IGSF11: variants seen among roughly 807,000 people sequenced by gnomAD.
IGSF11 encodes immunoglobulin superfamily member 11.
In IGSF11, 22 loss-of-function variants were observed where a neutral mutation model predicts 41.0. The observed-to-expected ratio is 0.54, with a 90% CI of 0.38 to 0.77. The LOEUF (loss-of-function observed/expected upper bound fraction) is 0.77, where lower values mean the gene tolerates loss of function less well. Among genes scored for constraint, IGSF11 ranks in the 30% least tolerant of loss-of-function variants. The probability of loss-of-function intolerance (pLI) is 0.00; values close to 1 mark genes in which losing one functional copy is unlikely to be tolerated. For missense variants in IGSF11, 444 were observed against 530.8 expected (o/e 0.84, Z 1.61); for synonymous variants, 219 against 201.3 (o/e 1.09, Z -0.74).
intron 4 of IGSF11, among the ~76,000 whole-genome samples, chr3:118,916,684 A>C (rs1387337173): frequency 6.6e-6 from 1 of 150,902 alleles, no homozygotes. Flanking sequence ...CACTGTCAAC[A>C]TTAGACAGAT....
chr3:118,941,163 T>A (rs949638707), intron 1 of IGSF11, among the ~76,000 whole-genome samples: 3 of 152,046 alleles, frequency 2.0e-5, no homozygotes, highest in African/African-American at 7.2e-5. Flanking sequence ...CAAGGTAAGT[T>A]TCTTGTCTTC....
intron 1 of IGSF11, among the ~76,000 whole-genome samples, chr3:119,064,533 T>TTC (rs1942160931): frequency 6.7e-6 from 1 of 148,510 alleles, no homozygotes; most frequent in Non-Finnish European, 1.5e-5. Flanking sequence ...TTTTTTTTTT[T>TTC]CCATGTGAAC....
intron 1 of IGSF11, among the ~76,000 whole-genome samples, chr3:118,933,921 A>C (rs1455546308): frequency 6.6e-6 from 1 of 152,032 alleles, no homozygotes; most frequent in Admixed American, 6.6e-5. Context: ...CCTGTACGTG[A>C]GCTTCAAATA....
intron 1 of IGSF11, among the ~76,000 whole-genome samples, chr3:119,001,647 G>A (rs1290043897): frequency 8.3e-6 from 1 of 120,258 alleles, no homozygotes; most frequent in East Asian, 2.5e-4. Context: ...ACAGTCCCCA[G>A]AGTGTGATAT....
At chr3:119,005,331 C>T (rs1347998902) in intron 1 of IGSF11, among the ~76,000 whole-genome samples, 11 of 149,780 alleles carry the variant, frequency 7.3e-5, no homozygotes, top group South Asian at 2.1e-4. Context: ...TCTTCCTCCA[C>T]CCTTTTATTT....
intron 1 of IGSF11, among the ~76,000 whole-genome samples, chr3:119,050,706 T>G (rs560011428): frequency 3.3e-5 from 5 of 152,176 alleles, no homozygotes; most frequent in East Asian, 3.9e-4. Context: ...CGTATGTTTA[T>G]TGCAGCATTA....
intron 1 of IGSF11, among the ~76,000 whole-genome samples, chr3:119,019,446 CA>C (rs1939073519): frequency 6.7e-6 from 1 of 150,168 alleles, no homozygotes; most frequent in Non-Finnish European, 1.5e-5. Flanking sequence ...TTAGTTATTT[CA>C]GGCAGATCCA....
At chr3:119,077,322 A>T (rs755445585) in intron 1 of IGSF11, among the ~76,000 whole-genome samples, 1 of 152,130 alleles carries the variant, frequency 6.6e-6, no homozygotes, top group South Asian at 2.1e-4. Flanking sequence ...AATGTAAATG[A>T]CGAGTTAATG....
chr3:118,925,754 T>G (rs527331310), intron 4 of IGSF11, among the ~76,000 whole-genome samples: 1 of 152,224 alleles, frequency 6.6e-6, no homozygotes, highest in South Asian at 2.1e-4. Flanking sequence ...CCTAGTAAAA[T>G]AGGCAGCTCT....
intron 1 of IGSF11, among the ~76,000 whole-genome samples, chr3:119,047,664 A>C (rs1370466718): frequency 6.6e-6 from 1 of 152,172 alleles, no homozygotes; most frequent in Admixed American, 6.5e-5. Flanking sequence ...ACATCTACAG[A>C]ACTCTCCACC....
At chr3:118,988,859 G>A (rs192779828) in intron 1 of IGSF11, among the ~76,000 whole-genome samples, 80 of 152,308 alleles carry the variant, frequency 5.3e-4, no homozygotes, top group African/African-American at 1.8e-3. Flanking sequence ...GTTTCTCAGA[G>A]ATCAGCAAAA....
At chr3:118,927,724 C>T (rs932311742) in intron 3 of IGSF11, among the ~76,000 whole-genome samples, 2 of 152,266 alleles carry the variant, frequency 1.3e-5, no homozygotes, top group South Asian at 2.1e-4. Context: ...CTTCTCAAAA[C>T]GTCTTCCATC....
intron 1 of IGSF11, among the ~76,000 whole-genome samples, chr3:119,070,219 G>T (rs2076374436): frequency 1.3e-5 from 2 of 152,154 alleles, no homozygotes; most frequent in African/African-American, 2.4e-5. Context: ...AATTTCAGAT[G>T]TGTTTTTTCC....
At chr3:119,057,645 A>G (rs1226146428) in intron 1 of IGSF11, among the ~76,000 whole-genome samples, 1 of 152,226 alleles carries the variant, frequency 6.6e-6, no homozygotes, top group Non-Finnish European at 1.5e-5. Context: ...GTGGAACCAA[A>G]AAAGAACCCG....
chr3:119,091,993 T>TGG lies in IGSF11; in HGVS notation c.49+13149_49+13150dup, dbSNP rs56210576. On this transcript the variant is annotated intron_variant, in intron 1 of 6. Transcript: ENST00000354673. Reference sequence around the variant, plus strand: ...TTTGTTTTTTGGTTTTTGGTTTTTTTGGGGGGGGGGGGTTGGTGGTTTTTT... The same window carrying TGG: ...TTTGTTTTTTGGTTTTTGGTTTTTTTGGGGGGGGGGGGGGTTGGTGGTTTTTT... Among the ~76,000 whole-genome samples, 913 of 129,010 alleles carry TGG rather than the reference T, an allele frequency of 7.1e-3. 16 individuals carry two copies. The highest frequency in any genetic ancestry group is 0.027 in the African/African-American group (842 of 31,408). 84.6% of individuals were successfully genotyped at this position (129,010 alleles called of 152,430 possible).
chr3:119,072,537 C>T (rs921991656), intron 1 of IGSF11, among the ~76,000 whole-genome samples: 6 of 152,110 alleles, frequency 3.9e-5, no homozygotes, highest in African/African-American at 9.7e-5. Context: ...GATGTTCGGA[C>T]GTGTTCAGAC....
chr3:119,091,961 T>C (rs1253660817), intron 1 of IGSF11, among the ~76,000 whole-genome samples: 1 of 146,126 alleles, frequency 6.8e-6, no homozygotes, highest in Admixed American at 6.8e-5. Context: ...AACTATACAA[T>C]GTGTGTTTTG....
chr3:119,050,085 A>T (rs1233315859), intron 1 of IGSF11, among the ~76,000 whole-genome samples: 2 of 149,644 alleles, frequency 1.3e-5, no homozygotes, highest in Non-Finnish European at 3.0e-5. Context: ...GGACATAGGC[A>T]TGGGCAAGGA....
rs915000596 is a variant in IGSF11 at position 118,978,189 on chromosome 3, C to T, written c.53-47914G>A. ...AGACTGCCTGATCCAGTCCACTGCCCGTGGCACCTGAGCACTCCTCCCAGT... is the reference window on the plus strand; with the variant it reads ...AGACTGCCTGATCCAGTCCACTGCCTGTGGCACCTGAGCACTCCTCCCAGT... On this transcript the variant is annotated intron_variant, in intron 1 of 6. Transcript: ENST00000393775. 9.2e-5 allele frequency among the ~76,000 whole-genome samples: 14 copies of T among 152,280 alleles called. 1 individual carries two copies. The South Asian group carries it at 1.5e-3, about 16-fold the overall frequency.
Sources: allele counts gnomAD v4.1 joint callset (sites outside exome capture counted in the v4.1 genomes callset), GRCh38; gene constraint gnomAD v4.1.1; transcripts MANE v1.5; gene names NCBI Gene and HGNC (gene_info 2026-07-23, HGNC 2026-07-21).